The following GPC5 variants were observed in gnomAD, a reference collection of about 807,000 sequenced individuals.
GPC5 encodes the protein glypican 5.
A neutral mutation model predicts 53.9 loss-of-function variants in GPC5; 47 were observed. The observed-to-expected ratio is 0.87, with a 90% CI of 0.69 to 1.11. The LOEUF (loss-of-function observed/expected upper bound fraction) is 1.11. GPC5 is among the 50% of genes most tolerant of loss of function. The pLI is 0.00. For synonymous variants in GPC5, 286 were observed against 263.3 expected (o/e 1.09, Z -0.84); for missense variants, 748 against 713.1 (o/e 1.05, Z -0.56).
chr13:92,385,485 T>C (rs1224275040), intron 7 of GPC5, among the ~76,000 whole-genome samples: 1 of 53,850 alleles, frequency 1.9e-5, no homozygotes, highest in Non-Finnish European at 3.6e-5. Flanking sequence ...TATACATATA[T>C]ACACATATAT....
At chr13:92,389,839 T>C (rs1203326162) in intron 7 of GPC5, among the ~76,000 whole-genome samples, 1 of 152,156 alleles carries the variant, frequency 6.6e-6, no homozygotes, top group Non-Finnish European at 1.5e-5. Context: ...ATATTATTCA[T>C]CTTACTCAGT....
Position 91,756,351 on chromosome 13 carries a change from A to G in GPC5, c.1211A>G (p.Gln404Arg). The change falls in exon 5 of 8, where the codon CAG (glutamine) becomes CGG (arginine). Residue 404 changes from glutamine (Q) to arginine (R), a missense_variant. Coordinates refer to ENST00000377067, the MANE Select transcript of GPC5 (RefSeq NM_004466.6). ...YRSFYGGLAD[Q>R]LCANELAAAD... ...TCATTCTATGGAGGTCTAGCTGATCAGCTTTGTGCTAATGAATTAGCTGCT... is the reference window on the plus strand; with the variant it reads ...TCATTCTATGGAGGTCTAGCTGATCGGCTTTGTGCTAATGAATTAGCTGCT... 1 of 1,595,794 alleles carries G rather than the reference A, an allele frequency of 6.3e-7. No homozygotes were observed. Among genetic ancestry groups the G allele is most frequent in the Non-Finnish European group, 8.6e-7 (1 of 1,166,556 alleles).
chr13:92,632,013 C>T (rs768670135), intron 7 of GPC5, among the ~76,000 whole-genome samples: 3 of 152,158 alleles, frequency 2.0e-5, no homozygotes, highest in Non-Finnish European at 2.9e-5. Context: ...AAGAAATACT[C>T]AACCTGTCCC....
chr13:92,261,485 G>T (rs1421369751), intron 7 of GPC5, among the ~76,000 whole-genome samples: 1 of 151,924 alleles, frequency 6.6e-6, no homozygotes, highest in African/African-American at 2.4e-5. Context: ...GTTTCTAAAA[G>T]GATAATGCCT....
intron 3 of GPC5, 114 bp downstream of exon 3, chr13:91,693,995 T>C (rs150635981): frequency 2.6e-6 from 2 of 783,208 alleles, no homozygotes; most frequent in Admixed American, 2.9e-5. Flanking sequence ...ATCCAAGATA[T>C]TATTTTTTTA....
chr13:92,268,025 G>A (rs1184100163), intron 7 of GPC5, among the ~76,000 whole-genome samples: 1 of 151,792 alleles, frequency 6.6e-6, no homozygotes, highest in Non-Finnish European at 1.5e-5. Context: ...AACTTTTTGA[G>A]TATCATATGC....
intron 4 of GPC5, among the ~76,000 whole-genome samples, chr13:91,742,768 T>A (rs2036963720): frequency 6.6e-6 from 1 of 152,188 alleles, no homozygotes; most frequent in Admixed American, 6.6e-5. Context: ...TGACATTTAT[T>A]CAAACTCTTC....
At chr13:92,153,854 A>C (rs554788043) in intron 7 of GPC5, among the ~76,000 whole-genome samples, 2 of 152,202 alleles carry the variant, frequency 1.3e-5, no homozygotes, top group African/African-American at 4.8e-5. Context: ...CTCATAATTA[A>C]TTGGATTTCA....
intron 6 of GPC5, among the ~76,000 whole-genome samples, chr13:91,972,819 T>G (rs1308327239): frequency 2.0e-5 from 3 of 152,188 alleles, no homozygotes; most frequent in Non-Finnish European, 2.9e-5. Context: ...GCTTGTAGAG[T>G]TTCTGCTGAG....
At chr13:91,414,619 A>G (rs753041886) in intron 1 of GPC5, among the ~76,000 whole-genome samples, 2 of 152,178 alleles carry the variant, frequency 1.3e-5, no homozygotes, top group Non-Finnish European at 2.9e-5. Context: ...AGATGGGCTA[A>G]AGCAATGACA....
At chr13:92,155,413 A>G (rs1030389205) in intron 7 of GPC5, among the ~76,000 whole-genome samples, 1 of 152,078 alleles carries the variant, frequency 6.6e-6, no homozygotes, top group African/African-American at 2.4e-5. Flanking sequence ...TTTTACTAGA[A>G]TGTATTTTGT....
intron 1 of GPC5, among the ~76,000 whole-genome samples, chr13:91,445,570 C>A (rs1013592753): frequency 4.6e-5 from 7 of 152,158 alleles, no homozygotes; most frequent in African/African-American, 1.7e-4. Context: ...CATCTCCCAG[C>A]TACAAGTGAT....
At chr13:92,085,581 C>T (rs929397913) in intron 6 of GPC5, among the ~76,000 whole-genome samples, 8 of 152,100 alleles carry the variant, frequency 5.3e-5, no homozygotes, top group Non-Finnish European at 1.2e-4. Flanking sequence ...GAGCCCCTTA[C>T]ATTTATTGTG....
At chr13:91,428,613 G>A (rs1188819951) in intron 1 of GPC5, among the ~76,000 whole-genome samples, 1 of 152,086 alleles carries the variant, frequency 6.6e-6, no homozygotes, top group South Asian at 2.1e-4. Flanking sequence ...GTTTCACTGG[G>A]GACCTGTCCC....
At chr13:92,074,396 T>C (rs528486990) in intron 6 of GPC5, among the ~76,000 whole-genome samples, 2 of 152,130 alleles carry the variant, frequency 1.3e-5, no homozygotes, top group African/African-American at 4.8e-5. Context: ...GAGACAGACG[T>C]GAATTGATAG....
At chr13:92,838,488 CA>C (rs59632518) in intron 7 of GPC5, among the ~76,000 whole-genome samples, 14,399 of 137,660 alleles carry the variant, frequency 0.1, 1,184 homozygotes, top group African/African-American at 0.24. Context: ...GCGCCCCCCC[CA>C]AAAAAAAAAA....
intron 5 of GPC5, among the ~76,000 whole-genome samples, chr13:91,807,266 A>G (rs2038236880): frequency 6.6e-6 from 1 of 152,204 alleles, no homozygotes; most frequent in Admixed American, 6.5e-5. Flanking sequence ...AAATAGAGTT[A>G]TAATCACCCC....
At chr13:92,709,301 C>T (rs1042430434) in intron 7 of GPC5, among the ~76,000 whole-genome samples, 3 of 151,296 alleles carry the variant, frequency 2.0e-5, no homozygotes, top group Admixed American at 6.6e-5. Flanking sequence ...TCAAGTGATC[C>T]GCCCACCTCA....
intron 2 of GPC5, among the ~76,000 whole-genome samples, chr13:91,635,067 G>A (rs1003220159): frequency 6.6e-6 from 1 of 152,010 alleles, no homozygotes; most frequent in African/African-American, 2.4e-5. Context: ...AGAATTGAAT[G>A]GAAGATTAAT....
Sources: allele counts gnomAD v4.1 joint callset (sites outside exome capture counted in the v4.1 genomes callset), GRCh38; gene constraint gnomAD v4.1.1; transcripts MANE v1.5; gene names NCBI Gene and HGNC (gene_info 2026-07-23, HGNC 2026-07-21).